Variants in STXBP4 observed in about 807,000 individuals in gnomAD.
STXBP4 encodes syntaxin binding protein 4, also known as syntaxin-binding protein 4.
Under a neutral mutation model 76.1 loss-of-function variants are expected in STXBP4, and 55 were observed. The observed-to-expected ratio is 0.72, with a 90% confidence interval of 0.58 to 0.91. STXBP4 has a LOEUF of 0.91. Ranked by LOEUF, STXBP4 falls within the 40% of genes least tolerant of loss-of-function variation. The pLI is 0.00. For synonymous variants in STXBP4, 201 were observed against 220.2 expected (o/e 0.91, Z 0.77); for missense variants, 618 against 636.9 (o/e 0.97, Z 0.32).
chr17:55,068,987 C>A (rs1435341322), intron 12 of STXBP4, among the ~76,000 whole-genome samples: 1 of 151,964 alleles, frequency 6.6e-6, no homozygotes, highest in African/African-American at 2.4e-5. Context: ...TTTGTCCCAA[C>A]AAAAGTCCAA....
At chr17:55,057,379 A>G (rs1043507159) in intron 12 of STXBP4, among the ~76,000 whole-genome samples, 2 of 152,204 alleles carry the variant, frequency 1.3e-5, no homozygotes, top group Non-Finnish European at 2.9e-5. Context: ...TTACGTGCGT[A>G]TACTAAACAG....
chr17:55,190,915 G>T, the STXBP4 span, among the ~76,000 whole-genome samples: 1 of 152,156 alleles, frequency 6.6e-6, no homozygotes, highest in Non-Finnish European at 1.5e-5. Context: ...ACATGGTGGG[G>T]TTTACTCAGA....
At chr17:55,040,279 T>C (rs2078675614) in intron 10 of STXBP4, among the ~76,000 whole-genome samples, 1 of 152,048 alleles carries the variant, frequency 6.6e-6, no homozygotes, top group South Asian at 2.1e-4. Context: ...TTTAGAAATA[T>C]GGGAGTGAGA....
intron 17 of STXBP4, among the ~76,000 whole-genome samples, chr17:55,147,976 A>G (rs2080175602): frequency 6.6e-6 from 1 of 152,156 alleles, no homozygotes; most frequent in African/African-American, 2.4e-5. Flanking sequence ...CATGACAGGA[A>G]CTCTGCCATG....
intron 4 of STXBP4, among the ~76,000 whole-genome samples, chr17:54,998,257 G>A (rs896300557): frequency 6.6e-6 from 1 of 152,078 alleles, no homozygotes; most frequent in African/African-American, 2.4e-5. Flanking sequence ...TTGAATTTGT[G>A]GAAGTTACTT....
chr17:55,139,618 C>A (rs539648680), intron 16 of STXBP4, among the ~76,000 whole-genome samples: 1 of 152,208 alleles, frequency 6.6e-6, no homozygotes, highest in East Asian at 1.9e-4. Context: ...ACTGGTGCAG[C>A]AGAGCAGTTT....
At chr17:55,122,204 A>G (rs573880394) in intron 16 of STXBP4, among the ~76,000 whole-genome samples, 4 of 152,218 alleles carry the variant, frequency 2.6e-5, no homozygotes, top group Non-Finnish European at 5.9e-5. Context: ...TTATGCACCA[A>G]AGCCTGAGCT....
rs183993779 is a variant in STXBP4, at chr17:55,172,893, G to A, written c.*12982G>A. On this transcript the variant is annotated 3_prime_UTR_variant, in exon 18 of 18. Coordinates refer to ENST00000376352, the MANE Select transcript of STXBP4 (RefSeq NM_178509.6). ...CTGAGCTGAGTTCTAGTTACCTGCTGTGAAGGACTGTAGAGGTTATCTAAG... is the reference window on the plus strand; with the variant it reads ...CTGAGCTGAGTTCTAGTTACCTGCTATGAAGGACTGTAGAGGTTATCTAAG... 1.3e-5 allele frequency: 2 copies of A among 152,322 alleles called. No individual in the cohort carries two copies. The highest frequency in any genetic ancestry group is 3.9e-4 in the East Asian group (2 of 5,182). The allele number at this position is 152,322 out of a possible 1,614,324, so 9.4% of individuals were successfully genotyped here. A position where few individuals can be genotyped will look rare whatever the true frequency, so the allele number is the denominator to read the frequency against.
Position 55,169,729 on chromosome 17 carries a change from A to G in STXBP4, c.*9818A>G, listed in dbSNP as rs1429547153. 2 of 152,254 alleles carry G rather than the reference A, an allele frequency of 1.3e-5. No homozygotes were observed. The highest frequency in any genetic ancestry group is 4.8e-5 in the African/African-American group (2 of 41,470). The allele number at this position is 152,254 out of a possible 1,614,324, so 9.4% of individuals were successfully genotyped here. A position where few individuals can be genotyped will look rare whatever the true frequency, so the allele number is the denominator to read the frequency against. On this transcript the variant is annotated 3_prime_UTR_variant, in exon 18 of 18. Coordinates refer to ENST00000376352, the MANE Select transcript of STXBP4 (RefSeq NM_178509.6). Reference sequence around the variant, plus strand: ...ATGGGCTTTCTGAAAAATTATTTCAATCAAAATTGTGTTAAAAGCTATTTC... The same window carrying G: ...ATGGGCTTTCTGAAAAATTATTTCAGTCAAAATTGTGTTAAAAGCTATTTC...
intron 16 of STXBP4, among the ~76,000 whole-genome samples, chr17:55,117,122 T>C (rs2079789769): frequency 6.6e-6 from 1 of 151,844 alleles, no homozygotes; most frequent in Non-Finnish European, 1.5e-5. Flanking sequence ...TTGTGTCTGA[T>C]GTAATCTTGA....
chr17:55,089,196 G>A (rs1035977153), intron 16 of STXBP4, among the ~76,000 whole-genome samples: 20 of 152,188 alleles, frequency 1.3e-4, no homozygotes, highest in African/African-American at 4.8e-4. Flanking sequence ...TATGGATGTT[G>A]TTGTTGTTGT....
chr17:55,078,770 G>T (rs2079219951), intron 15 of STXBP4, 35 bp downstream of exon 15: 1 of 1,169,014 alleles, frequency 8.6e-7, no homozygotes, highest in African/African-American at 1.5e-5. Context: ...CAGAATATGG[G>T]TAGTGATTAA....
intron 3 of STXBP4, among the ~76,000 whole-genome samples, chr17:54,990,242 A>G (rs2144400695): frequency 6.6e-6 from 1 of 152,240 alleles, no homozygotes; most frequent in South Asian, 2.1e-4. Flanking sequence ...GAGGTCCCTA[A>G]TCCCTGGGCC....
intron 12 of STXBP4, among the ~76,000 whole-genome samples, chr17:55,048,097 A>T (rs904271013): frequency 3.8e-4 from 58 of 152,012 alleles, no homozygotes; most frequent in African/African-American, 1.3e-3. Context: ...ACTAGCTACA[A>T]AAAAAGAGAC....
chr17:55,120,540 G>A (rs1305461343), intron 16 of STXBP4, among the ~76,000 whole-genome samples: 2 of 152,202 alleles, frequency 1.3e-5, no homozygotes, highest in African/African-American at 4.8e-5. Context: ...TCAATTGTGA[G>A]CAAGTATCTT....
chr17:55,093,890 T>C (rs1307948629), intron 16 of STXBP4, among the ~76,000 whole-genome samples: 1 of 152,062 alleles, frequency 6.6e-6, no homozygotes, highest in Non-Finnish European at 1.5e-5. Flanking sequence ...CTTAGGTAAA[T>C]TGTAGTGGGC....
Position 55,073,069 on chromosome 17 carries a change from A to G in STXBP4, c.1181A>G (p.Gln394Arg). Residue 394 changes from glutamine (Q) to arginine (R), a missense_variant, in exon 13 of 18, where the codon CAA becomes CGA. Coordinates refer to ENST00000376352, the MANE Select transcript of STXBP4 (RefSeq NM_178509.6). ...LKAQLADYSD[Q>R]NKESVQDLKK... ...GCTCAGCTTGCTGATTATTCTGACC[A>G]AAATAAAGTAAGCAAAGCAGTCATC... The G allele has an allele frequency of 6.2e-7, 1 of 1,613,286 alleles. No homozygotes were observed. Among genetic ancestry groups the G allele is most frequent in the Admixed American group, 1.7e-5 (1 of 59,870 alleles).
intron 16 of STXBP4, among the ~76,000 whole-genome samples, chr17:55,136,522 G>T (rs763116369): frequency 7.9e-5 from 12 of 151,966 alleles, no homozygotes; most frequent in Admixed American, 2.0e-4. Flanking sequence ...TGTTCTTGAG[G>T]TTATTTACAT....
rs1598348744 is a variant in STXBP4, at chr17:55,145,501, G to T, written c.1547+4134G>T. ...GATGGAAGCCAAGCCTCTGGCAAGG[G>T]AATAACTGTCAGTGGTGTCCTAAGA... On this transcript the variant is annotated intron_variant, in intron 17 of 17. Transcript: ENST00000376352. 2.0e-5 allele frequency among the ~76,000 whole-genome samples: 3 copies of T among 152,284 alleles called. 1 individual carries two copies. The highest frequency in any genetic ancestry group is 1.9e-4 in the East Asian group (1 of 5,182).
Sources: allele counts gnomAD v4.1 joint callset (sites outside exome capture counted in the v4.1 genomes callset), GRCh38; gene constraint gnomAD v4.1.1; transcripts MANE v1.5; gene names NCBI Gene and HGNC (gene_info 2026-07-23, HGNC 2026-07-21).